The following ADAM32 variants were observed in gnomAD, a reference collection of about 807,000 sequenced individuals.
ADAM32 encodes disintegrin and metalloproteinase domain-containing protein 32.
In ADAM32, 89 loss-of-function variants were observed where a neutral mutation model predicts 114.9. That is an observed-to-expected ratio of 0.77 (90% CI 0.65 to 0.92). The LOEUF (loss-of-function observed/expected upper bound fraction) is 0.92. ADAM32 is among the 40% of genes least tolerant of loss of function. The pLI is 0.00. For synonymous variants in ADAM32, 285 were observed against 307.5 expected (o/e 0.93, Z 0.77); for missense variants, 870 against 932.8 (o/e 0.93, Z 0.88).
intron 11 of ADAM32, among the ~76,000 whole-genome samples, chr8:39,201,322 C>G (rs1807387544): frequency 6.6e-6 from 1 of 152,220 alleles, no homozygotes; most frequent in South Asian, 2.1e-4. Flanking sequence ...TGTAGTTCTC[C>G]TTGAAGAGGA....
intron 10 of ADAM32, among the ~76,000 whole-genome samples, chr8:39,176,029 A>C (rs934886322): frequency 2.0e-5 from 3 of 152,062 alleles, no homozygotes; most frequent in African/African-American, 7.2e-5. Flanking sequence ...CAGTGGTGAT[A>C]TCCCCCTTAT....
At chr8:39,284,501 CTTAA>C (rs1332151658) in intron 24 of ADAM32, among the ~76,000 whole-genome samples, 8 of 151,838 alleles carry the variant, frequency 5.3e-5, no homozygotes, top group Non-Finnish European at 1.2e-4. Context: ...AAGACATTAA[CTTAA>C]TTGTTAAATT....
intron 1 of ADAM32, among the ~76,000 whole-genome samples, chr8:39,108,916 A>T (rs1489115787): frequency 6.6e-6 from 1 of 152,122 alleles, no homozygotes; most frequent in Admixed American, 6.5e-5. Context: ...AGGAGGAGGA[A>T]ATTCTCTGAT....
chr8:39,225,743 C>G (rs1809316415), intron 14 of ADAM32, among the ~76,000 whole-genome samples: 1 of 152,068 alleles, frequency 6.6e-6, no homozygotes, highest in Non-Finnish European at 1.5e-5. Flanking sequence ...CTGGAACCAT[C>G]CAACTCTACC....
intron 7 of ADAM32, among the ~76,000 whole-genome samples, chr8:39,161,978 AG>A (rs1804534313): frequency 7.2e-6 from 1 of 138,138 alleles, no homozygotes; most frequent in Non-Finnish European, 1.5e-5. Flanking sequence ...CCAAATTGCC[AG>A]GTTTTCTTTT....
At chr8:39,273,577 C>T (rs1282378375) in intron 20 of ADAM32, among the ~76,000 whole-genome samples, 1 of 151,964 alleles carries the variant, frequency 6.6e-6, no homozygotes, top group African/African-American at 2.4e-5. Flanking sequence ...AACACATAAA[C>T]CAAAACCAGT....
At chr8:39,200,537 G>C (rs1481162888) in intron 11 of ADAM32, among the ~76,000 whole-genome samples, 3 of 152,194 alleles carry the variant, frequency 2.0e-5, no homozygotes, top group Non-Finnish European at 4.4e-5. Flanking sequence ...TTTGTCAGAT[G>C]AGTAGATTGC....
At chr8:39,183,944 G>A (rs1252547384) in intron 10 of ADAM32, among the ~76,000 whole-genome samples, 4 of 152,284 alleles carry the variant, frequency 2.6e-5, no homozygotes, top group Non-Finnish European at 4.4e-5. Flanking sequence ...TGGGATACAC[G>A]AGGACAAATC....
rs76905398 is a variant in ADAM32 at position 39,225,422 on chromosome 8, C to G, written c.1525+2184C>G. Among the ~76,000 whole-genome samples, 824 of 152,300 alleles carry G rather than the reference C, an allele frequency of 5.4e-3. 10 individuals carry two copies. Among genetic ancestry groups the G allele is most frequent in the African/African-American group, 0.019 (787 of 41,566 alleles). ...TGACTGCTGCCCTGTACCCTTTGGT[C>G]TCTTCATGTGTGTTTGTGATTCAGA... On this transcript the variant is annotated intron_variant, in intron 14 of 24. Coordinates refer to ENST00000379907, the MANE Select transcript of ADAM32 (RefSeq NM_145004.7).
At chr8:39,155,645 C>T (rs1194198311) in intron 6 of ADAM32, among the ~76,000 whole-genome samples, 4 of 152,168 alleles carry the variant, frequency 2.6e-5, no homozygotes, top group Non-Finnish European at 5.9e-5. Context: ...ATACAGAGCA[C>T]CAGTTGTGGA....
At chr8:39,107,590 G>C (rs1839975793), upstream of ADAM32, 2 of 1,408,208 alleles carry the variant, frequency 1.4e-6, no homozygotes, top group Non-Finnish European at 1.8e-6. Context: ...TTTTAGCCTC[G>C]GGGCGCACGC....
intron 14 of ADAM32, among the ~76,000 whole-genome samples, chr8:39,229,211 A>G (rs1402858773): frequency 6.6e-6 from 1 of 152,256 alleles, no homozygotes; most frequent in South Asian, 2.1e-4. Context: ...TCCTGGAAAC[A>G]TATCAAAACA....
intron 1 of ADAM32, among the ~76,000 whole-genome samples, chr8:39,111,343 C>T (rs1840150424): frequency 6.6e-6 from 1 of 152,188 alleles, no homozygotes; most frequent in South Asian, 2.1e-4. Flanking sequence ...GTTGGCTATT[C>T]TGGGTCTTTT....
chr8:39,162,024 ATTATAC>A (rs2129446058), intron 7 of ADAM32, among the ~76,000 whole-genome samples: 1 of 140,460 alleles, frequency 7.1e-6, no homozygotes, highest in South Asian at 2.3e-4. Flanking sequence ...ATATATATTT[ATTATAC>A]TTTAAGTTCT....
intron 10 of ADAM32, among the ~76,000 whole-genome samples, chr8:39,179,368 A>G (rs2129446814): frequency 6.6e-6 from 1 of 152,286 alleles, no homozygotes; most frequent in East Asian, 1.9e-4. Flanking sequence ...TTAACTTGAG[A>G]GGTGCTGTGG....
chr8:39,107,815 C>G lies in ADAM32; in HGVS notation c.40C>G (p.Leu14Val). Residue 14 changes from leucine to valine, a missense_variant, in exon 1 of 25, where the codon CTC becomes GTC. Physicochemically the swap from Leu to Val is conservative, Grantham distance 32 (BLOSUM62 1). Transcript: ENST00000379907. ...GTTGCTGCTGGCCGGGCTCTGCGGCCTCCTGGCGTCAAGACCCGGTGAGCC... is the reference window on the plus strand; with the variant it reads ...GTTGCTGCTGGCCGGGCTCTGCGGCGTCCTGGCGTCAAGACCCGGTGAGCC... ...LWLLLAGLCG[L>V]LASRPGFQNS... 6 of 1,548,002 alleles carry G rather than the reference C, an allele frequency of 3.9e-6. No homozygotes were observed. The highest frequency in any genetic ancestry group is 5.2e-6 in the Non-Finnish European group (6 of 1,145,686).
chr8:39,203,766 G>T (rs1331765781), intron 11 of ADAM32, among the ~76,000 whole-genome samples: 1 of 152,144 alleles, frequency 6.6e-6, no homozygotes, highest in Non-Finnish European at 1.5e-5. Flanking sequence ...GCAGTGGCTG[G>T]TACTGATTGT....
chr8:39,234,641 A>G (rs1379217143), intron 16 of ADAM32, among the ~76,000 whole-genome samples: 2 of 152,258 alleles, frequency 1.3e-5, no homozygotes. Context: ...TGCCCAGAAC[A>G]TAGTAATAAC....
chr8:39,240,491 C>T (rs777539738), intron 16 of ADAM32, among the ~76,000 whole-genome samples: 6 of 152,178 alleles, frequency 3.9e-5, no homozygotes, highest in Admixed American at 2.0e-4. Context: ...AAAAAATAGA[C>T]AACCTAAGGT....
Sources: allele counts gnomAD v4.1 joint callset (sites outside exome capture counted in the v4.1 genomes callset), GRCh38; gene constraint gnomAD v4.1.1; transcripts MANE v1.5; gene names NCBI Gene and HGNC (gene_info 2026-07-23, HGNC 2026-07-21).